Variants in NCOA3 observed in about 807,000 individuals in gnomAD.
NCOA3 encodes CBP-interacting protein.
A neutral mutation model predicts 158.8 loss-of-function variants in NCOA3; 51 were observed. The ratio of observed to expected loss-of-function variants is 0.32; its 90% CI spans 0.26 to 0.41. The LOEUF is 0.41. Ranked by LOEUF, NCOA3 falls within the 10% of genes least tolerant of loss-of-function variation. The probability of loss-of-function intolerance (pLI) is 1.00; values close to 1 mark genes in which losing one functional copy is unlikely to be tolerated. For missense variants in NCOA3, 1,510 were observed against 1,746.6 expected (o/e 0.86, Z 2.41); for synonymous variants, 537 against 592.4 (o/e 0.91, Z 1.36).
chr20:47,516,888 C>CT lies in NCOA3; in HGVS notation c.-99+14870dup, dbSNP rs547409289. On this transcript the variant is annotated intron_variant, in intron 1 of 22. Transcript: ENST00000371998. The stretch of plus-strand genomic sequence containing the variant: ...ATTGAGCCAAGATCACGCCACTGCC[C>CT]TCTAGCCTGGGCAAGAGTGAGACCC... Among the ~76,000 whole-genome samples, 122 of 149,994 alleles carry CT rather than the reference C, an allele frequency of 8.1e-4. 1 individual carries two copies. The highest frequency in any genetic ancestry group is 2.9e-3 in the African/African-American group (119 of 40,630).
chr20:47,609,009 A>G (rs909544716), intron 2 of NCOA3, among the ~76,000 whole-genome samples: 1 of 152,318 alleles, frequency 6.6e-6, no homozygotes, highest in East Asian at 1.9e-4. Flanking sequence ...CATATCTACT[A>G]TAGAGATTTA....
chr20:47,610,843 G>A (rs1405403708), intron 2 of NCOA3, among the ~76,000 whole-genome samples: 1 of 152,216 alleles, frequency 6.6e-6, no homozygotes, highest in Non-Finnish European at 1.5e-5. Flanking sequence ...CATCAGTGTT[G>A]CAGGTGAACA....
intron 9 of NCOA3, 127 bp downstream of exon 9, chr20:47,633,763 C>T: frequency 9.3e-7 from 1 of 1,075,146 alleles, no homozygotes; most frequent in Non-Finnish European, 1.3e-6. Context: ...TCTGAGTAGC[C>T]AAGACTGCAG....
intron 16 of NCOA3, among the ~76,000 whole-genome samples, chr20:47,641,543 C>T (rs2086611072): frequency 1.5e-5 from 2 of 137,758 alleles, no homozygotes; most frequent in Non-Finnish European, 3.1e-5. Flanking sequence ...CTCTCTCTCC[C>T]AGCCTGGAGT....
intron 2 of NCOA3, among the ~76,000 whole-genome samples, chr20:47,585,240 T>C (rs572681930): frequency 1.1e-4 from 17 of 151,968 alleles, no homozygotes; most frequent in Non-Finnish European, 2.2e-4. Flanking sequence ...TTGGTAGAGA[T>C]GGGATTTCAC....
chr20:47,600,818 A>AG (rs2085849614), intron 2 of NCOA3, among the ~76,000 whole-genome samples: 1 of 150,934 alleles, frequency 6.6e-6, no homozygotes, highest in Non-Finnish European at 1.5e-5. Context: ...CCCTGGCAAA[A>AG]AAAAAAAAAA....
In NCOA3 at chr20:47,635,561, C is replaced by CTGGCA; in HGVS notation, c.1352_1353insTGGCA (p.Ser452GlyfsTer14). On this transcript the variant is annotated frameshift_variant, in exon 11 of 23. Transcript: ENST00000371998. LOFTEE classifies it high-confidence loss of function. ...ACCCCTGGGCCAGGCATGCAATCAC[C>CTGGCA]ATCTTCCTACCAGAACAACAACTAT... The CTGGCA allele has an allele frequency of 6.2e-7, 1 of 1,614,116 alleles. No homozygotes were observed. The highest frequency in any genetic ancestry group is 8.5e-7 in the Non-Finnish European group (1 of 1,180,042).
chr20:47,530,525 C>T (rs998217167), intron 1 of NCOA3, among the ~76,000 whole-genome samples: 3 of 148,922 alleles, frequency 2.0e-5, no homozygotes, highest in East Asian at 2.0e-4. Context: ...GGCCGTGGCA[C>T]GATCTTGGCT....
chr20:47,504,440 T>G (rs2083990690), intron 1 of NCOA3, among the ~76,000 whole-genome samples: 1 of 151,884 alleles, frequency 6.6e-6, no homozygotes, highest in Non-Finnish European at 1.5e-5. Context: ...TAAGCTTTCT[T>G]GCAGGGACAT....
chr20:47,526,173 C>G (rs891968098), intron 1 of NCOA3, among the ~76,000 whole-genome samples: 15 of 151,318 alleles, frequency 9.9e-5, no homozygotes, highest in Non-Finnish European at 1.9e-4. Flanking sequence ...GGCGGCCGGG[C>G]AGAGACGCTC....
intron 1 of NCOA3, among the ~76,000 whole-genome samples, chr20:47,516,085 T>A (rs1166302992): frequency 6.6e-6 from 1 of 152,208 alleles, no homozygotes; most frequent in Non-Finnish European, 1.5e-5. Flanking sequence ...GTGAAACTAC[T>A]CTGTATGATA....
intron 17 of NCOA3, among the ~76,000 whole-genome samples, chr20:47,643,035 C>T (rs72645285): frequency 2.0e-5 from 3 of 152,184 alleles, no homozygotes; most frequent in Non-Finnish European, 2.9e-5. Flanking sequence ...CTTAGCCTCG[C>T]GAGTAGCTGT....
At chr20:47,588,574 A>G (rs1301751024) in intron 2 of NCOA3, among the ~76,000 whole-genome samples, 6 of 152,184 alleles carry the variant, frequency 3.9e-5, no homozygotes, top group Middle Eastern at 6.3e-3. Flanking sequence ...GTAGAATAAT[A>G]ACATGCTTTC....
chr20:47,574,875 T>G (rs539118404), intron 1 of NCOA3, among the ~76,000 whole-genome samples: 1 of 152,368 alleles, frequency 6.6e-6, no homozygotes, highest in East Asian at 1.9e-4. Flanking sequence ...ATGTAAAATG[T>G]TCTTGTACAT....
Position 47,636,579 on chromosome 20 carries a change from G to A in NCOA3, c.2193G>A (p.Lys731=), listed in dbSNP as rs2146322642. The A allele has an allele frequency of 6.2e-7, 1 of 1,614,174 alleles. No homozygotes were observed. The highest frequency in any genetic ancestry group is 1.3e-5 in the African/African-American group (1 of 75,044). Reference sequence around the variant, plus strand: ...AGCAGGAGCAGCTAAGTCCTAAGAAGAAGGAGAATAATGCACTTCTTAGAT... The same window carrying A: ...AGCAGGAGCAGCTAAGTCCTAAGAAAAAGGAGAATAATGCACTTCTTAGAT... ...VVKQEQLSPK[K]KENNALLRYL... is the part of the protein sequence containing the mutation. The change falls in exon 12 of 23, where the codon AAG becomes AAA. Residue 731 remains lysine, a synonymous_variant. Transcript: ENST00000371998.
rs181455423 is a variant in NCOA3 at position 47,532,470 on chromosome 20, T to A, written c.-99+30451T>A. ...TCAACTTTAAAAAAAATTCATTTTT[T>A]AAAAAATAGCATAATAGCATATAAA... On this transcript the variant is annotated intron_variant, in intron 1 of 22. Coordinates refer to ENST00000371998, the MANE Select transcript of NCOA3 (RefSeq NM_181659.3). Among the ~76,000 whole-genome samples, 597 of 152,200 alleles carry A rather than the reference T, an allele frequency of 3.9e-3. 5 individuals are homozygous for A. The highest frequency in any genetic ancestry group is 0.013 in the African/African-American group (549 of 41,508).
chr20:47,525,261 G>A (rs1312808298), intron 1 of NCOA3, among the ~76,000 whole-genome samples: 1 of 151,572 alleles, frequency 6.6e-6, no homozygotes, highest in Non-Finnish European at 1.5e-5. Context: ...TAAGGTCACC[G>A]ATCAACAGGA....
chr20:47,521,715 T>C (rs2146082339), intron 1 of NCOA3, among the ~76,000 whole-genome samples: 1 of 152,194 alleles, frequency 6.6e-6, no homozygotes, highest in South Asian at 2.1e-4. Context: ...AGTTTAAAAG[T>C]AGAAGGCAAA....
intron 1 of NCOA3, among the ~76,000 whole-genome samples, chr20:47,539,397 G>A (rs1197924101): frequency 3.3e-5 from 5 of 152,166 alleles, no homozygotes; most frequent in African/African-American, 1.2e-4. Context: ...TTGAGGACTG[G>A]GAGGTATCTG....
Sources: gnomAD v4.1 joint callset for allele counts (sites outside exome capture counted in the v4.1 genomes callset) on GRCh38, gnomAD v4.1.1 for gene constraint, MANE v1.5 for transcripts, NCBI Gene and HGNC (gene_info 2026-07-23, HGNC 2026-07-21) for gene names.